ARMC1: variants seen among roughly 807,000 people sequenced by gnomAD.
ARMC1 encodes armadillo repeat containing 1.
A neutral mutation model predicts 31.4 loss-of-function variants in ARMC1; 16 were observed. The ratio of observed to expected loss-of-function variants is 0.51; its 90% CI spans 0.34 to 0.77. ARMC1 has a LOEUF of 0.77. ARMC1 is among the 30% of genes least tolerant of loss of function. The pLI is 0.01. For missense variants in ARMC1, 259 were observed against 347.5 expected (o/e 0.75, Z 2.02); for synonymous variants, 114 against 118.9 (o/e 0.96, Z 0.27).
chr8:65,624,783 A>T (rs202054693), intron 2 of ARMC1, among the ~76,000 whole-genome samples: 4,194 of 152,228 alleles, frequency 0.028, 128 homozygotes, highest in African/African-American at 0.078. Flanking sequence ...ACAAAAGTGT[A>T]TACTAATAAG....
At chr8:65,624,429 G>T (rs1176241711) in intron 2 of ARMC1, among the ~76,000 whole-genome samples, 2 of 144,022 alleles carry the variant, frequency 1.4e-5, no homozygotes, top group Non-Finnish European at 1.5e-5. Flanking sequence ...AACCCGGGAG[G>T]CAGAGGTTGC....
intron 2 of ARMC1, 24 bp from the exon 3 acceptor site, chr8:65,622,378 T>G (rs1260793081): frequency 6.3e-7 from 1 of 1,592,160 alleles, no homozygotes; most frequent in East Asian, 2.2e-5. Flanking sequence ...AGTAATAAGT[T>G]AATTCGTCTG....
intron 4 of ARMC1, among the ~76,000 whole-genome samples, chr8:65,612,449 C>A (rs775500721): frequency 4.6e-5 from 7 of 152,004 alleles, no homozygotes; most frequent in Non-Finnish European, 1.0e-4. Context: ...GAACAAGACC[C>A]TGTCCCTGAA....
At chr8:65,612,524 A>G (rs1486197503) in intron 4 of ARMC1, among the ~76,000 whole-genome samples, 3 of 152,126 alleles carry the variant, frequency 2.0e-5, no homozygotes, top group Non-Finnish European at 4.4e-5. Flanking sequence ...AATTTTTCAG[A>G]TATCTTTCTG....
rs769420385 is a variant in ARMC1, at chr8:65,613,217, T to C, written c.465+27A>G. ...GAAGAAACTATTCAGTAAACATGAT[T>C]TCTCTTTCCCATCTAACAGACCTTA... On this transcript the variant is annotated intron_variant, in intron 4 of 6. Transcript: ENST00000276569. The C allele has an allele frequency of 1.4e-5, 22 of 1,527,632 alleles. No homozygotes were observed. In the South Asian group the frequency reaches 2.7e-4, roughly 19 times the overall value. The allele number at this position is 1,527,632 out of a possible 1,614,324, so 94.6% of individuals were successfully genotyped here. A position where few individuals can be genotyped will look rare whatever the true frequency, so the allele number is the denominator to read the frequency against.
Position 65,603,040 on chromosome 8 carries a change from T to C in ARMC1, c.*1354A>G, listed in dbSNP as rs547028318. ...ACATCATATTCTCCAAATAGTAAAA[T>C]AGCAGCTCTACATGTTGATGAAAAG... is the stretch of plus-strand genomic sequence containing the variant. On this transcript the variant is annotated 3_prime_UTR_variant, in exon 7 of 7. Transcript: ENST00000276569. 3 of 152,286 alleles carry C rather than the reference T, an allele frequency of 2.0e-5. No individual in the cohort carries two copies. In the South Asian group the frequency reaches 6.2e-4, roughly 32 times the overall value. 9.4% of individuals were successfully genotyped at this position (152,286 alleles called of 1,614,324 possible).
chr8:65,608,713 G>A (rs986385491), intron 4 of ARMC1, among the ~76,000 whole-genome samples: 1 of 151,690 alleles, frequency 6.6e-6, no homozygotes, highest in African/African-American at 2.4e-5. Flanking sequence ...TTCAAAACCA[G>A]ACTGGCCAAT....
rs1807951146 is a variant in ARMC1 at position 65,604,178 on chromosome 8, T to C, written c.*216A>G. ...TTAAATGAAAGAAAACAAACCAAAA[T>C]ACTTTCATAAACAAAGCAACTCCAT... On this transcript the variant is annotated 3_prime_UTR_variant, in exon 7 of 7. Transcript: ENST00000276569. The C allele has an allele frequency of 4.5e-6, 2 of 441,148 alleles. No individual in the cohort carries two copies. Among genetic ancestry groups the C allele is most frequent in the Non-Finnish European group, 8.0e-6 (2 of 249,792 alleles). 27.3% of individuals were successfully genotyped at this position (441,148 alleles called of 1,614,324 possible).
At chr8:65,609,907 CTAATA>C (rs1808092244) in intron 4 of ARMC1, among the ~76,000 whole-genome samples, 1 of 129,024 alleles carries the variant, frequency 7.8e-6, no homozygotes, top group Non-Finnish European at 1.7e-5. Context: ...TGTGAATAAT[CTAATA>C]TAACCTACCT....
rs1363338572 is a variant in ARMC1, at chr8:65,603,466, A to AT, written c.*927dup. On this transcript the variant is annotated 3_prime_UTR_variant, in exon 7 of 7. Coordinates refer to ENST00000276569, the MANE Select transcript of ARMC1 (RefSeq NM_018120.6). ...AAGTTGGACTCTATACCAAACTGGCATTATGGTATTATAGGCATTTGATTT... is the reference window on the plus strand; with the variant it reads ...AAGTTGGACTCTATACCAAACTGGCATTTATGGTATTATAGGCATTTGATTT... The AT allele has an allele frequency of 2.6e-5, 4 of 152,204 alleles. No individual in the cohort carries two copies. Among genetic ancestry groups the AT allele is most frequent in the Admixed American group, 1.3e-4 (2 of 15,274 alleles). 9.4% of individuals were successfully genotyped at this position (152,204 alleles called of 1,614,324 possible). A position where few individuals can be genotyped will look rare whatever the true frequency, so the allele number is the denominator to read the frequency against.
intron 4 of ARMC1, among the ~76,000 whole-genome samples, chr8:65,609,625 C>G (rs374230012): frequency 2.0e-5 from 3 of 152,000 alleles, no homozygotes; most frequent in Non-Finnish European, 2.9e-5. Context: ...TTTGGGAGGC[C>G]AAGGCGGGTG....
intron 3 of ARMC1, among the ~76,000 whole-genome samples, chr8:65,616,902 G>C (rs1448052927): frequency 7.0e-6 from 1 of 142,266 alleles, no homozygotes; most frequent in Admixed American, 6.8e-5. Flanking sequence ...CCCGGCAGCC[G>C]CCCCGTCTGA....
At chr8:65,617,568 C>G (rs142791146) in intron 3 of ARMC1, among the ~76,000 whole-genome samples, 22,277 of 151,760 alleles carry the variant, frequency 0.15, 1,719 homozygotes, top group Middle Eastern at 0.18. Flanking sequence ...CTATTGTCCT[C>G]TGACCCTGCC....
chr8:65,616,946 C>T (rs1432660181), intron 3 of ARMC1, among the ~76,000 whole-genome samples: 52 of 151,074 alleles, frequency 3.4e-4, no homozygotes, highest in Non-Finnish European at 1.2e-4. Context: ...GCAGCTGCCC[C>T]GTCTGGGAAG....
chr8:65,614,728 T>C (rs1455003417), intron 3 of ARMC1, among the ~76,000 whole-genome samples: 14 of 152,212 alleles, frequency 9.2e-5, no homozygotes, highest in Admixed American at 9.2e-4. Flanking sequence ...CATTTTTATA[T>C]GTTCTTTGTT....
intron 1 of ARMC1, among the ~76,000 whole-genome samples, chr8:65,631,548 GT>G (rs202075992): frequency 0.011 from 1,695 of 152,266 alleles, 24 homozygotes; most frequent in South Asian, 0.016. Flanking sequence ...CTTGAATTCT[GT>G]TAAATGATCA....
At chr8:65,622,118 T>C (rs1808406329) in intron 3 of ARMC1, 145 bp downstream of exon 3, 3 of 624,544 alleles carry the variant, frequency 4.8e-6, no homozygotes, top group South Asian at 1.9e-5. Context: ...CCAATAATAG[T>C]AGTAATCATG....
intron 3 of ARMC1, among the ~76,000 whole-genome samples, chr8:65,618,534 A>G (rs1420238397): frequency 7.3e-5 from 11 of 151,118 alleles, no homozygotes; most frequent in Non-Finnish European, 1.6e-4. Flanking sequence ...AAAAAAAAAA[A>G]AAAAAGAACC....
intron 3 of ARMC1, 62 bp from the exon 4 acceptor site, chr8:65,613,495 C>A (rs890691380): frequency 2.4e-6 from 3 of 1,230,626 alleles, no homozygotes; most frequent in African/African-American, 1.5e-5. Context: ...AATTTTATTT[C>A]TCCACTAAAA....
Sources: allele counts gnomAD v4.1 joint callset (sites outside exome capture counted in the v4.1 genomes callset), GRCh38; gene constraint gnomAD v4.1.1; transcripts MANE v1.5; gene names NCBI Gene and HGNC (gene_info 2026-07-23, HGNC 2026-07-21).